Variants in SAP130 observed in about 807,000 individuals in gnomAD.
The protein encoded by SAP130 is Sin3A associated protein 130.
SAP130 carries 16 observed loss-of-function variants against 103.2 expected under a neutral mutation model. That is an observed-to-expected ratio of 0.16 (90% CI 0.10 to 0.24). SAP130 has a LOEUF of 0.24. Ranked by LOEUF, SAP130 falls within the 10% of genes least tolerant of loss-of-function variation. SAP130 has a pLI of 1.00. For missense variants in SAP130, 990 were observed against 1,359.7 expected, an observed-to-expected ratio of 0.73 and a Z score of 4.28; for synonymous variants, 477 against 497.0, an observed-to-expected ratio of 0.96 and a Z score of 0.53.
At chr2:128,026,508 G>GCGGGTACTATGA (rs1685505198) in intron 1 of SAP130, among the ~76,000 whole-genome samples, 1 of 152,164 alleles carries the variant, frequency 6.6e-6, no homozygotes, top group South Asian at 2.1e-4. Flanking sequence ...TACGGAGCTG[G>GCGGGTACTATGA]CGGGTACTAT....
intron 16 of SAP130, among the ~76,000 whole-genome samples, chr2:127,952,959 A>G (rs1390159066): frequency 1.3e-5 from 2 of 152,172 alleles, no homozygotes; most frequent in South Asian, 2.1e-4. Context: ...ATGACTTTAA[A>G]TACAATTTAT....
chr2:127,991,868 A>G (rs1682836562), intron 12 of SAP130, among the ~76,000 whole-genome samples: 1 of 152,220 alleles, frequency 6.6e-6, no homozygotes, highest in African/African-American at 2.4e-5. Context: ...TCATGTACTA[A>G]TCTACTTCAA....
At chr2:128,027,167 G>C in intron 1 of SAP130, 2 of 1,276,252 alleles carry the variant, frequency 1.6e-6, no homozygotes, top group Non-Finnish European at 2.0e-6. Context: ...GGCCCATCTC[G>C]GCGGCGGCGA....
At chr2:127,982,415 G>A (rs1347478694) in intron 14 of SAP130, among the ~76,000 whole-genome samples, 8 of 152,172 alleles carry the variant, frequency 5.3e-5, no homozygotes, top group Non-Finnish European at 1.2e-4. Flanking sequence ...ACAGACAGAG[G>A]CAGGACATGG....
chr2:127,955,369 G>A lies in SAP130; in HGVS notation c.2064-25C>T. 2 of 1,498,600 alleles carry A rather than the reference G, an allele frequency of 1.3e-6. No homozygotes were observed. Among genetic ancestry groups the A allele is most frequent in the Non-Finnish European group, 1.8e-6 (2 of 1,113,588 alleles). 92.8% of individuals were successfully genotyped at this position (1,498,600 alleles called of 1,614,324 possible). Reference sequence around the variant, plus strand: ...ACTAAAACACAAAAGAAAAGCACATGTAGCAAATAAGAAAAAAACTGCCTT... The same window carrying A: ...ACTAAAACACAAAAGAAAAGCACATATAGCAAATAAGAAAAAAACTGCCTT... On this transcript the variant is annotated intron_variant, in intron 15 of 20. Transcript: ENST00000643581. The surrounding 1 kb of genome is among the most constrained non-coding windows in gnomAD (Gnocchi z 4.9).
rs571913328 is a variant in SAP130 at position 127,945,624 on chromosome 2, G to A, written c.2798-65C>T. 46 of 1,026,042 alleles carry A rather than the reference G, an allele frequency of 4.5e-5. No homozygotes were observed. The East Asian group carries it at 9.1e-4, about 20-fold the overall frequency. The allele number at this position is 1,026,042 out of a possible 1,614,324, so 63.6% of individuals were successfully genotyped here. A position where few individuals can be genotyped will look rare whatever the true frequency, so the allele number is the denominator to read the frequency against. On this transcript the variant is annotated intron_variant, in intron 18 of 20. Transcript: ENST00000643581. ...TTAAAAAGGTAAATGATTTGTGTTC[G>A]AGCAGTGTAAATGCCATTATTTTAA...
At chr2:127,962,129 T>G in intron 15 of SAP130, among the ~76,000 whole-genome samples, 1 of 152,220 alleles carries the variant, frequency 6.6e-6, no homozygotes, top group East Asian at 1.9e-4. Context: ...TATAACAGTT[T>G]GCACTCTCAC....
intron 14 of SAP130, among the ~76,000 whole-genome samples, chr2:127,985,257 T>C (rs1682291522): frequency 6.6e-6 from 1 of 152,234 alleles, no homozygotes; most frequent in Non-Finnish European, 1.5e-5. Context: ...ACTAATAAGG[T>C]AACTTTGTCA....
intron 18 of SAP130, among the ~76,000 whole-genome samples, chr2:127,947,773 T>A (rs868592727): frequency 1.3e-5 from 2 of 151,054 alleles, no homozygotes; most frequent in African/African-American, 4.9e-5. Flanking sequence ...TCTGTGTGTG[T>A]GTGTGTGTGT....
chr2:127,952,450 TA>T (rs57007168), intron 16 of SAP130, among the ~76,000 whole-genome samples: 21,076 of 140,340 alleles, frequency 0.15, 1,831 homozygotes, highest in East Asian at 0.29. Context: ...AACTCCATCT[TA>T]AAAAAAAAAA....
intron 15 of SAP130, among the ~76,000 whole-genome samples, chr2:127,958,532 T>A (rs557837407): frequency 4.6e-5 from 7 of 152,280 alleles, no homozygotes; most frequent in Admixed American, 2.0e-4. Flanking sequence ...AAAAATCATA[T>A]CTGGGTTTTC....
chr2:127,951,204 C>T (rs1194966703), intron 16 of SAP130, among the ~76,000 whole-genome samples: 1 of 152,186 alleles, frequency 6.6e-6, no homozygotes, highest in East Asian at 1.9e-4. Flanking sequence ...CAGTGTGCTA[C>T]CTCCAGATAA....
chr2:127,996,291 G>C lies in SAP130; in HGVS notation c.1355+59C>G. On this transcript the variant is annotated intron_variant, in intron 11 of 20. Transcript: ENST00000643581. This position sits in a 1 kb window ranked among gnomAD's most constrained non-coding sequence, Gnocchi z 4.3. ...TTTGTGGGACACTTTGTTTTATGCT[G>C]ATAAAGCAGAACGATTAATGACACA... 6.9e-7 allele frequency: 1 copy of C among 1,450,564 alleles called. No individual in the cohort carries two copies. The highest frequency in any genetic ancestry group is 1.4e-5 in the African/African-American group (1 of 70,006). 89.9% of individuals were successfully genotyped at this position (1,450,564 alleles called of 1,614,324 possible). A position where few individuals can be genotyped will look rare whatever the true frequency, so the allele number is the denominator to read the frequency against.
In SAP130 at chr2:128,026,708, T is replaced by C. The variant is rs755445135; in HGVS notation, c.-6-410A>G. Among the ~76,000 whole-genome samples, 5 of 152,348 alleles carry C rather than the reference T, an allele frequency of 3.3e-5. 1 individual carries two copies. Among genetic ancestry groups the C allele is most frequent in the Non-Finnish European group, 7.3e-5 (5 of 68,042 alleles). ...GAACAGAACTGTGATTAGTATGTCA[T>C]AGGAACATTCGGAGGAAGATATCCA... On this transcript the variant is annotated intron_variant, in intron 1 of 20. Coordinates refer to ENST00000643581, the MANE Select transcript of SAP130 (RefSeq NM_001330301.2).
intron 2 of SAP130, among the ~76,000 whole-genome samples, chr2:128,023,396 G>A (rs1350929942): frequency 1.3e-5 from 2 of 152,142 alleles, no homozygotes; most frequent in African/African-American, 4.8e-5. Flanking sequence ...ACCTGCCTTG[G>A]CCTCCCATGG....
Position 127,955,366 on chromosome 2 carries a change from C to T in SAP130, c.2064-22G>A. ...GGCACTAAAACACAAAAGAAAAGCACATGTAGCAAATAAGAAAAAAACTGC... is the reference window on the plus strand; with the variant it reads ...GGCACTAAAACACAAAAGAAAAGCATATGTAGCAAATAAGAAAAAAACTGC... On this transcript the variant is annotated intron_variant, in intron 15 of 20. Coordinates refer to ENST00000643581, the MANE Select transcript of SAP130 (RefSeq NM_001330301.2). This position sits in a 1 kb window ranked among gnomAD's most constrained non-coding sequence, Gnocchi z 4.9. The T allele has an allele frequency of 1.3e-6, 2 of 1,505,888 alleles. No individual in the cohort carries two copies. The highest frequency in any genetic ancestry group is 1.8e-6 in the Non-Finnish European group (2 of 1,119,530). 93.3% of individuals were successfully genotyped at this position (1,505,888 alleles called of 1,614,324 possible).
intron 1 of SAP130, among the ~76,000 whole-genome samples, 178 bp downstream of exon 1, chr2:128,027,762 T>C (rs1685628665): frequency 6.6e-6 from 1 of 150,892 alleles, no homozygotes. Context: ...ACCCAGCCCC[T>C]GTCGCCGGCC....
chr2:127,994,939 A>T (rs2105049277), intron 11 of SAP130, among the ~76,000 whole-genome samples: 1 of 152,344 alleles, frequency 6.6e-6, no homozygotes, highest in Non-Finnish European at 1.5e-5. Context: ...GGAGTATTCA[A>T]CAAGGGGGAT....
chr2:128,020,054 A>AT lies in SAP130; in HGVS notation c.113-2140_113-2139insA, dbSNP rs765513982. On this transcript the variant is annotated intron_variant, in intron 2 of 20. Transcript: ENST00000643581. ...ATTTAAATTATTTGGAGTACCATAA[A>AT]CAAAGTAATGTTGCCCCCAAACTTA... 1.8e-4 allele frequency among the ~76,000 whole-genome samples: 27 copies of AT among 152,332 alleles called. No homozygotes were observed. The Middle Eastern group carries it at 0.01, about 58-fold the overall frequency.
Sources: gnomAD v4.1 joint callset for allele counts (sites outside exome capture counted in the v4.1 genomes callset) on GRCh38, gnomAD v4.1.1 for gene constraint, Gnocchi (gnomAD v3.1) non-coding constraint, MANE v1.5 for transcripts, NCBI Gene and HGNC (gene_info 2026-07-23, HGNC 2026-07-21) for gene names.